SAMD12: variants seen among roughly 807,000 people sequenced by gnomAD.
SAMD12 encodes the protein sterile alpha motif domain-containing protein 12.
Under a neutral mutation model 15.0 loss-of-function variants are expected in SAMD12, and 9 were observed. The ratio of observed to expected loss-of-function variants is 0.60; its 90% CI spans 0.36 to 1.05. SAMD12 has a LOEUF of 1.05. Among genes scored for constraint, SAMD12 ranks in the 50% least tolerant of loss-of-function variants. The pLI is 0.01. For missense variants in SAMD12, 230 were observed against 234.2 expected, an observed-to-expected ratio of 0.98 and a Z score of 0.12; for synonymous variants, 86 against 90.1, an observed-to-expected ratio of 0.96 and a Z score of 0.25.
chr8:118,410,778 C>G (rs2630656), intron 3 of SAMD12, among the ~76,000 whole-genome samples: 2 of 152,166 alleles, frequency 1.3e-5, no homozygotes, highest in African/African-American at 4.8e-5. Flanking sequence ...AAGTTCCTTA[C>G]TGATAAAAAT....
intron 1 of SAMD12, among the ~76,000 whole-genome samples, chr8:118,615,551 G>A (rs1484605013): frequency 6.6e-6 from 1 of 152,134 alleles, no homozygotes; most frequent in African/African-American, 2.4e-5. Context: ...CTGTGAATGA[G>A]CATTTGCAAT....
chr8:118,422,010 G>A (rs542708392), intron 3 of SAMD12, among the ~76,000 whole-genome samples: 2 of 152,236 alleles, frequency 1.3e-5, no homozygotes, highest in African/African-American at 4.8e-5. Flanking sequence ...TCAATGGAAT[G>A]TAAGTGTAAG....
intron 3 of SAMD12, among the ~76,000 whole-genome samples, chr8:118,382,343 C>T (rs1819715448): frequency 6.6e-6 from 1 of 152,146 alleles, no homozygotes; most frequent in South Asian, 2.1e-4. Flanking sequence ...GCTGGGCCAT[C>T]GTTAGAACAC....
chr8:118,188,851 G>A (rs780067319), downstream of SAMD12, among the ~76,000 whole-genome samples: 1 of 152,044 alleles, frequency 6.6e-6, no homozygotes, highest in Non-Finnish European at 1.5e-5. Context: ...GATGTTTGCC[G>A]CACTAGAGGC....
At chr8:118,518,909 T>C (rs1371022438) in intron 2 of SAMD12, among the ~76,000 whole-genome samples, 1 of 152,154 alleles carries the variant, frequency 6.6e-6, no homozygotes, top group African/African-American at 2.4e-5. Context: ...ATTCAATAAA[T>C]ACTTGTGAAA....
chr8:118,193,685 TA>T (rs1402086014), exon 5 of SAMD12: 2 of 152,136 alleles, frequency 1.3e-5, no homozygotes, highest in African/African-American at 4.8e-5. Context: ...GGGAAAAAGG[TA>T]ACAAATACAC....
intron 2 of SAMD12, among the ~76,000 whole-genome samples, chr8:118,529,435 T>C (rs1323366957): frequency 6.6e-6 from 1 of 152,220 alleles, no homozygotes; most frequent in African/African-American, 2.4e-5. Flanking sequence ...AAGTGCGGTT[T>C]TGTTACATGG....
intron 1 of SAMD12, among the ~76,000 whole-genome samples, chr8:118,616,178 A>G (rs975984818): frequency 6.6e-6 from 1 of 152,232 alleles, no homozygotes; most frequent in African/African-American, 2.4e-5. Flanking sequence ...TGCTGCAGGG[A>G]TAAGTACCTA....
chr8:118,299,362 A>C (rs1814896315), intron 4 of SAMD12, among the ~76,000 whole-genome samples: 1 of 152,196 alleles, frequency 6.6e-6, no homozygotes, highest in African/African-American at 2.4e-5. Context: ...AGTACTCGCT[A>C]TAGGGTTAAG....
At position 118,378,516 on chromosome 8, in the gene SAMD12, T is replaced by A. The variant is rs1819500553; in HGVS notation, c.*901A>T. 9 of 984,298 alleles carry A rather than the reference T, an allele frequency of 9.1e-6. No homozygotes were observed. Among genetic ancestry groups the A allele is most frequent in the Non-Finnish European group, 2.4e-6 (2 of 829,020 alleles). The allele number at this position is 984,298 out of a possible 1,614,324, so 61.0% of individuals were successfully genotyped here. A position where few individuals can be genotyped will look rare whatever the true frequency, so the allele number is the denominator to read the frequency against. The stretch of plus-strand genomic sequence containing the variant: ...TATATTTATCCTTCTAGAATAGTCA[T>A]CTTTCAGGGAGCACATTATTTCCTC... On this transcript the variant is annotated 3_prime_UTR_variant, in exon 4 of 4. Coordinates refer to ENST00000314727, the MANE Select transcript of SAMD12 (RefSeq NM_207506.3).
intron 4 of SAMD12, among the ~76,000 whole-genome samples, chr8:118,244,326 T>C (rs1812639414): frequency 6.6e-6 from 1 of 152,140 alleles, no homozygotes; most frequent in Admixed American, 6.6e-5. Context: ...GATTGAAGAT[T>C]TAATCCAGCC....
intron 4 of SAMD12, among the ~76,000 whole-genome samples, chr8:118,234,769 T>C (rs1203103930): frequency 2.0e-5 from 3 of 151,050 alleles, no homozygotes; most frequent in African/African-American, 4.9e-5. Flanking sequence ...ATACAAATTA[T>C]ATATAGTCAT....
At chr8:118,462,716 A>T (rs1165271845) in intron 2 of SAMD12, among the ~76,000 whole-genome samples, 3 of 152,212 alleles carry the variant, frequency 2.0e-5, no homozygotes, top group Non-Finnish European at 4.4e-5. Flanking sequence ...CAAAATCCAA[A>T]GCACAGAGGC....
intron 4 of SAMD12, among the ~76,000 whole-genome samples, chr8:118,302,929 A>G (rs1403732090): frequency 6.6e-6 from 1 of 152,200 alleles, no homozygotes; most frequent in African/African-American, 2.4e-5. Context: ...CATATATTAA[A>G]TCAAAGTGCA....
intron 2 of SAMD12, among the ~76,000 whole-genome samples, chr8:118,550,178 C>A (rs868759207): frequency 5.3e-5 from 8 of 152,102 alleles, no homozygotes; most frequent in South Asian, 4.1e-4. Context: ...ACACAGAGAA[C>A]GCCACAAAGA....
intron 4 of SAMD12, among the ~76,000 whole-genome samples, chr8:118,348,506 G>C (rs1306650831): frequency 2.0e-5 from 3 of 152,024 alleles, no homozygotes; most frequent in Admixed American, 2.0e-4. Context: ...CGAGTAGCTG[G>C]AACTACAGGC....
exon 5 of SAMD12, chr8:118,192,892 A>C (rs1819448589): frequency 6.6e-6 from 1 of 152,184 alleles, no homozygotes; most frequent in Non-Finnish European, 1.5e-5. Flanking sequence ...CTCTGAAGGA[A>C]GAATGCTTGG....
chr8:118,415,117 T>C (rs1450004925), intron 3 of SAMD12, among the ~76,000 whole-genome samples: 1 of 152,160 alleles, frequency 6.6e-6, no homozygotes, highest in African/African-American at 2.4e-5. Context: ...GCGAGTATCC[T>C]ACATTTAGCC....
At chr8:118,226,731 G>A (rs1812197850) in intron 4 of SAMD12, among the ~76,000 whole-genome samples, 1 of 152,180 alleles carries the variant, frequency 6.6e-6, no homozygotes, top group South Asian at 2.1e-4. Flanking sequence ...ACTCTGTGTA[G>A]TAACTGAGAT....
Sources: gnomAD v4.1 joint callset for allele counts (sites outside exome capture counted in the v4.1 genomes callset) on GRCh38, gnomAD v4.1.1 for gene constraint, MANE v1.5 for transcripts, NCBI Gene and HGNC (gene_info 2026-07-23, HGNC 2026-07-21) for gene names.